FRMPD2: variants seen among roughly 807,000 people sequenced by gnomAD.
The protein encoded by FRMPD2 is FERM and PDZ domain-containing protein 2.
FRMPD2 carries 96 observed loss-of-function variants against 140.1 expected under a neutral mutation model. The ratio of observed to expected loss-of-function variants is 0.69; its 90% CI spans 0.58 to 0.81. The LOEUF is 0.81. FRMPD2 is among the 40% of genes least tolerant of loss of function. FRMPD2 has a pLI of 0.00. For synonymous variants in FRMPD2, 449 were observed against 547.6 expected (o/e 0.82, Z 2.52); for missense variants, 1,240 against 1,447.4 (o/e 0.86, Z 2.32).
chr10:48,230,967 A>G (rs1299680615), intron 10 of FRMPD2, among the ~76,000 whole-genome samples: 1 of 151,970 alleles, frequency 6.6e-6, no homozygotes, highest in Non-Finnish European at 1.5e-5. Context: ...CAGAACAATG[A>G]ACTCCAGACA....
chr10:48,210,853 G>A (rs1839303686), intron 13 of FRMPD2, among the ~76,000 whole-genome samples: 1 of 152,206 alleles, frequency 6.6e-6, no homozygotes, highest in African/African-American at 2.4e-5. Context: ...AAACACAGAT[G>A]GAATATTTCT....
intron 9 of FRMPD2, among the ~76,000 whole-genome samples, chr10:48,233,423 ATC>A (rs1413826323): frequency 6.6e-6 from 1 of 152,276 alleles, no homozygotes; most frequent in East Asian, 1.9e-4. Context: ...GGAAATCAAT[ATC>A]TAGTAAAGCT....
At chr10:48,240,867 G>C (rs1306056362) in intron 5 of FRMPD2, among the ~76,000 whole-genome samples, 1 of 152,156 alleles carries the variant, frequency 6.6e-6, no homozygotes, top group African/African-American at 2.4e-5. Context: ...CTCACACCTG[G>C]CTCTGTTGCA....
chr10:48,187,173 G>C lies in FRMPD2; in HGVS notation c.2266+19C>G. 6.3e-7 allele frequency: 1 copy of C among 1,590,604 alleles called. No homozygotes were observed. Among genetic ancestry groups the C allele is most frequent in the Middle Eastern group, 1.7e-4 (1 of 6,016 alleles). On this transcript the variant is annotated intron_variant, in intron 17 of 28. Coordinates refer to ENST00000374201, the MANE Select transcript of FRMPD2 (RefSeq NM_001018071.4). ...TAGGGGTTCCTCCACCCAAGACCTG[G>C]TCGTGGCCTGGCCCATACCTGCATG...
chr10:48,229,817 CT>C (rs1463173518), intron 10 of FRMPD2, among the ~76,000 whole-genome samples: 2 of 152,100 alleles, frequency 1.3e-5, no homozygotes, highest in Admixed American at 6.6e-5. Flanking sequence ...GGTGTTGGTA[CT>C]TTTCTAAACG....
In FRMPD2 at chr10:48,238,070, G is replaced by C. The variant is rs767095799; in HGVS notation, c.842C>G (p.Ser281Cys). ...GTCTGCTGCCGAGTGCACAGATCCA[G>C]AGCTGAGCCTCCGGCCCGCCTGCTG... ...QDQQAGRRLS[S>C]GSVHSAADSS... Residue 281 changes from serine (S) to cysteine (C), a missense_variant, in exon 8 of 29, where the codon TCT (serine) becomes TGT (cysteine). Ser to Cys is a moderately radical substitution (Grantham distance 112). This residue lies in a region of FRMPD2 where 1,161 missense variants were observed against 1,055.9 expected (regional missense o/e 1.10). Transcript: ENST00000374201. The C allele has an allele frequency of 5.0e-6, 8 of 1,613,854 alleles. No homozygotes were observed. Among genetic ancestry groups the C allele is most frequent in the Non-Finnish European group, 6.8e-6 (8 of 1,180,052 alleles).
chr10:48,263,084 T>A (rs1367768116), intron 1 of FRMPD2, among the ~76,000 whole-genome samples: 1 of 151,766 alleles, frequency 6.6e-6, no homozygotes, highest in South Asian at 2.1e-4. Flanking sequence ...AAAAAGGAAA[T>A]CTCAAGATAA....
intron 5 of FRMPD2, 38 bp from the exon 6 acceptor site, chr10:48,240,530 T>C: frequency 6.2e-7 from 1 of 1,610,818 alleles, no homozygotes; most frequent in Non-Finnish European, 8.5e-7. Flanking sequence ...CATCCCAAGA[T>C]AAGGAGGGGG....
At position 48,236,514 on chromosome 10, in the gene FRMPD2, G is replaced by A. The variant is rs1432104730; in HGVS notation, c.961C>T (p.Pro321Ser). The A allele has an allele frequency of 6.2e-7, 1 of 1,614,034 alleles. No homozygotes were observed. Among genetic ancestry groups the A allele is most frequent in the Non-Finnish European group, 8.5e-7 (1 of 1,180,030 alleles). The change falls in exon 9 of 29, where the codon CCG becomes TCG. Residue 321 changes from proline (P) to serine (S), a missense_variant. Pro to Ser is a moderately conservative substitution (Grantham distance 74). Transcript: ENST00000374201. The stretch of plus-strand genomic sequence containing the variant: ...GATCCCGGCAGATGTAGTGTCATCG[G>A]GGCCTCTCCAGCCAACAGGATGAAC... ...PEFILLAGEA[P>S]MTLHLPGSVV... is the part of the protein sequence containing the mutation.
chr10:48,273,199 T>C (rs903935934), intron 1 of FRMPD2, among the ~76,000 whole-genome samples: 8 of 152,224 alleles, frequency 5.3e-5, no homozygotes, highest in Non-Finnish European at 1.2e-4. Flanking sequence ...ACTGTTGTTT[T>C]CTTAGGTTAG....
intron 20 of FRMPD2, among the ~76,000 whole-genome samples, chr10:48,182,131 T>C (rs1453369148): frequency 6.6e-6 from 1 of 152,132 alleles, no homozygotes; most frequent in Admixed American, 6.5e-5. Context: ...TAAATAAATC[T>C]GATTTAATGA....
Position 48,207,503 on chromosome 10 carries a change from G to A in FRMPD2, c.1612-570C>T, listed in dbSNP as rs149740605. ...CCTTCGTGGGGGTCCCCGTAGCCCAGGGTCTTGCCTCTGTTTACCAGGTTA... is the reference window on the plus strand; with the variant it reads ...CCTTCGTGGGGGTCCCCGTAGCCCAAGGTCTTGCCTCTGTTTACCAGGTTA... On this transcript the variant is annotated intron_variant, in intron 13 of 28. Transcript: ENST00000374201. Among the ~76,000 whole-genome samples the A allele has an allele frequency of 5.7e-3, 869 of 152,308 alleles. 8 individuals carry two copies. The highest frequency in any genetic ancestry group is 0.02 in the African/African-American group (823 of 41,562).
chr10:48,159,471 C>T lies in FRMPD2; in HGVS notation c.3882-2101G>A, dbSNP rs554404569. Among the ~76,000 whole-genome samples the T allele has an allele frequency of 1.9e-3, 281 of 151,644 alleles. 3 individuals are homozygous for T. Among genetic ancestry groups the T allele is most frequent in the African/African-American group, 6.6e-3 (273 of 41,254 alleles). On this transcript the variant is annotated intron_variant, in intron 28 of 28. Transcript: ENST00000374201. ...CTGCTGCCTCCCTCACTCCCCTCAG[C>T]CACACTCCAACCCAAGAGCAGGCAT...
chr10:48,237,936 A>C, intron 8 of FRMPD2, 55 bp downstream of exon 8: 1 of 1,609,598 alleles, frequency 6.2e-7, no homozygotes, highest in Non-Finnish European at 8.5e-7. Context: ...CCAGCCACCC[A>C]CAGCTCCCTG....
At chr10:48,223,760 T>G (rs560982816) in intron 10 of FRMPD2, among the ~76,000 whole-genome samples, 5 of 152,108 alleles carry the variant, frequency 3.3e-5, no homozygotes, top group East Asian at 1.9e-4. Context: ...AAGTGGGGTG[T>G]TTAGGAGGTA....
chr10:48,263,628 G>A (rs921727064), intron 1 of FRMPD2, among the ~76,000 whole-genome samples: 5 of 152,104 alleles, frequency 3.3e-5, no homozygotes, highest in South Asian at 2.1e-4. Context: ...ATGCCTATAC[G>A]TATTACATAA....
intron 27 of FRMPD2, among the ~76,000 whole-genome samples, 187 bp from the exon 28 acceptor site, chr10:48,163,858 G>A (rs1838021970): frequency 6.6e-6 from 1 of 151,034 alleles, no homozygotes. Flanking sequence ...AACACACTCA[G>A]GCACCTTGGC....
chr10:48,188,001 G>C (rs1298265859), intron 16 of FRMPD2, among the ~76,000 whole-genome samples: 2 of 152,228 alleles, frequency 1.3e-5, no homozygotes, highest in African/African-American at 4.8e-5. Context: ...TCTGCACAGA[G>C]ATAAGCTACA....
chr10:48,248,407 C>G (rs1224434283), intron 3 of FRMPD2: 1 of 151,886 alleles, frequency 6.6e-6, no homozygotes, highest in Non-Finnish European at 1.5e-5. Flanking sequence ...ATTTTTAGAA[C>G]TTCCTCTCTC....
Sources: gnomAD v4.1 joint callset for allele counts (sites outside exome capture counted in the v4.1 genomes callset) on GRCh38, gnomAD v4.1.1 for gene constraint, gnomAD v4.1.1 regional missense constraint, MANE v1.5 for transcripts, NCBI Gene and HGNC (gene_info 2026-07-23, HGNC 2026-07-21) for gene names.